Variants in COL15A1 observed in about 807,000 individuals in gnomAD.
COL15A1 encodes the protein collagen alpha-1(XV) chain.
COL15A1 carries 111 observed loss-of-function variants against 165.9 expected under a neutral mutation model. That is an observed-to-expected ratio of 0.67 (90% CI 0.57 to 0.78). The LOEUF (loss-of-function observed/expected upper bound fraction) is 0.78. Ranked by LOEUF, COL15A1 falls within the 30% of genes least tolerant of loss-of-function variation. The probability of loss-of-function intolerance (pLI) is 0.00; values close to 1 mark genes in which losing one functional copy is unlikely to be tolerated. For missense variants in COL15A1, 1,745 were observed against 1,789.7 expected (o/e 0.98, Z 0.45); for synonymous variants, 659 against 674.8 (o/e 0.98, Z 0.36).
chr9:99,060,464 T>C (rs1179410508), intron 36 of COL15A1, among the ~76,000 whole-genome samples: 3 of 150,862 alleles, frequency 2.0e-5, no homozygotes, highest in African/African-American at 7.3e-5. Flanking sequence ...GACAGGGTTT[T>C]TGTTACATTG....
In COL15A1 at chr9:99,065,797, T is replaced by A. The variant is rs7022551; in HGVS notation, c.3652-1085T>A. Reference sequence around the variant, plus strand: ...GAATGGAGAAAAATATCCAGAGATGTGCAAGGGCTGCTTGGGGCCAGTCTG... The same window carrying A: ...GAATGGAGAAAAATATCCAGAGATGAGCAAGGGCTGCTTGGGGCCAGTCTG... On this transcript the variant is annotated intron_variant, in intron 39 of 41. Transcript: ENST00000375001. 6.9e-3 allele frequency among the ~76,000 whole-genome samples: 1,039 copies of A among 151,388 alleles called. 7 individuals carry two copies. Among genetic ancestry groups the A allele is most frequent in the African/African-American group, 0.023 (961 of 41,134 alleles).
At chr9:98,958,111 C>T (rs1215975528) in intron 2 of COL15A1, among the ~76,000 whole-genome samples, 2 of 152,234 alleles carry the variant, frequency 1.3e-5, no homozygotes, top group South Asian at 2.1e-4. Flanking sequence ...GGCAACAGTG[C>T]GGGACATGGT....
intron 30 of COL15A1, among the ~76,000 whole-genome samples, chr9:99,051,819 G>T (rs796552747): frequency 3.3e-5 from 5 of 152,290 alleles, no homozygotes; most frequent in African/African-American, 1.2e-4. Context: ...GGGGAAAACT[G>T]GGAAGGAATA....
rs141498020 is a variant in COL15A1, at chr9:99,014,612, A to G, written c.1354-805A>G. Reference sequence around the variant, plus strand: ...ACTCAGAATCCCTTCTTGGTTGCCAAAATGTGAACCCCAAATATCTGAGAC... The same window carrying G: ...ACTCAGAATCCCTTCTTGGTTGCCAGAATGTGAACCCCAAATATCTGAGAC... On this transcript the variant is annotated intron_variant, in intron 9 of 41. Transcript: ENST00000375001. Among the ~76,000 whole-genome samples, 496 of 152,328 alleles carry G rather than the reference A, an allele frequency of 3.3e-3. 2 individuals are homozygous for G. The highest frequency in any genetic ancestry group is 0.012 in the African/African-American group (482 of 41,574).
At chr9:98,956,995 G>T (rs570758844) in intron 2 of COL15A1, among the ~76,000 whole-genome samples, 110 of 152,338 alleles carry the variant, frequency 7.2e-4, no homozygotes, top group Non-Finnish European at 1.3e-3. Context: ...GGTAGGCAGG[G>T]TCATGGCCCT....
chr9:98,944,881 A>G (rs2118729455), intron 2 of COL15A1, among the ~76,000 whole-genome samples: 1 of 152,332 alleles, frequency 6.6e-6, no homozygotes, highest in South Asian at 2.1e-4. Flanking sequence ...GGTTGGCTGA[A>G]TAGTAAGATA....
intron 30 of COL15A1, 101 bp from the exon 31 acceptor site, chr9:99,052,287 A>T: frequency 1.2e-6 from 1 of 868,884 alleles, no homozygotes; most frequent in Non-Finnish European, 2.0e-6. Context: ...ACTCTGTGGC[A>T]TTGCCTCTTT....
At chr9:98,978,140 C>T (rs1027298828) in intron 2 of COL15A1, among the ~76,000 whole-genome samples, 1 of 152,184 alleles carries the variant, frequency 6.6e-6, no homozygotes, top group African/African-American at 2.4e-5. Context: ...ATCAATTTCC[C>T]TGTCTAGAAA....
chr9:98,967,708 C>T (rs2118826526), intron 2 of COL15A1, among the ~76,000 whole-genome samples: 1 of 152,322 alleles, frequency 6.6e-6, no homozygotes, highest in African/African-American at 2.4e-5. Context: ...CCTGCCCCTG[C>T]ACCCTGTGCC....
At chr9:99,038,570 C>A in intron 21 of COL15A1, 98 bp from the exon 22 acceptor site, 1 of 771,036 alleles carries the variant, frequency 1.3e-6, no homozygotes, top group Non-Finnish European at 2.3e-6. Flanking sequence ...CTGCGGTGTT[C>A]CGCTATGCTG....
chr9:98,963,119 G>C (rs1036948117), intron 2 of COL15A1, among the ~76,000 whole-genome samples: 12 of 152,204 alleles, frequency 7.9e-5, no homozygotes, highest in Non-Finnish European at 1.3e-4. Flanking sequence ...CCTTGCTCAG[G>C]TTCAAGATTT....
intron 6 of COL15A1, among the ~76,000 whole-genome samples, chr9:99,000,014 G>T (rs1344889952): frequency 6.6e-6 from 1 of 152,110 alleles, no homozygotes; most frequent in African/African-American, 2.4e-5. Flanking sequence ...GGGGTTACAG[G>T]CATGTGGAAT....
chr9:99,061,933 T>A (rs1361108846), intron 36 of COL15A1, 38 bp from the exon 37 acceptor site: 1 of 1,593,612 alleles, frequency 6.3e-7, no homozygotes, highest in South Asian at 1.1e-5. Context: ...ATTCCTCTAA[T>A]GATAATGGCA....
chr9:99,066,599 G>GGTTTTTTTTTTTTTTTTTTTT (rs1554692264), intron 39 of COL15A1, among the ~76,000 whole-genome samples: 1 of 71,040 alleles, frequency 1.4e-5, no homozygotes, highest in East Asian at 3.7e-4. Context: ...ATTTTGTTCT[G>GGTTTTTTTTTTTTTTTTTTTT]TTTTTTTTTT....
At chr9:98,978,053 A>T (rs1310820921) in intron 2 of COL15A1, among the ~76,000 whole-genome samples, 1 of 151,838 alleles carries the variant, frequency 6.6e-6, no homozygotes. Flanking sequence ...TGGTACCAAG[A>T]CTCTGTCCAC....
chr9:98,964,966 A>T (rs1258828616), intron 2 of COL15A1, among the ~76,000 whole-genome samples: 1 of 152,130 alleles, frequency 6.6e-6, no homozygotes, highest in Non-Finnish European at 1.5e-5. Flanking sequence ...CTGAATTCAC[A>T]CAAGCTCATC....
chr9:98,954,786 C>T (rs1393883714), intron 2 of COL15A1, among the ~76,000 whole-genome samples: 10 of 152,294 alleles, frequency 6.6e-5, no homozygotes, highest in Admixed American at 6.5e-4. Context: ...ACGCCAAGCC[C>T]ACCCTGCCTT....
intron 2 of COL15A1, among the ~76,000 whole-genome samples, chr9:98,984,848 G>A (rs1306292768): frequency 6.6e-6 from 1 of 152,170 alleles, no homozygotes; most frequent in Non-Finnish European, 1.5e-5. Context: ...CTGGAGTGCT[G>A]TGGTGCGATC....
intron 9 of COL15A1, among the ~76,000 whole-genome samples, chr9:99,006,291 G>T (rs1194992849): frequency 6.6e-6 from 1 of 152,228 alleles, no homozygotes; most frequent in Non-Finnish European, 1.5e-5. Context: ...TGTAAGCTCT[G>T]CTAGAACAGA....
Sources: gnomAD v4.1 joint callset for allele counts (sites outside exome capture counted in the v4.1 genomes callset) on GRCh38, gnomAD v4.1.1 for gene constraint, MANE v1.5 for transcripts, NCBI Gene and HGNC (gene_info 2026-07-23, HGNC 2026-07-21) for gene names.